Variants in TTC28 observed in about 807,000 individuals in gnomAD.
TTC28 encodes tetratricopeptide repeat protein 28.
In TTC28, 61 loss-of-function variants were observed where a neutral mutation model predicts 198.0. That is an observed-to-expected ratio of 0.31 (90% CI 0.25 to 0.38). TTC28 has a LOEUF of 0.38. TTC28 is among the 10% of genes least tolerant of loss of function. The pLI is 1.00. For missense variants in TTC28, 2,678 were observed against 3,164.0 expected, an observed-to-expected ratio of 0.85 and a Z score of 3.69; for synonymous variants, 1,171 against 1,297.8, an observed-to-expected ratio of 0.90 and a Z score of 2.10.
At chr22:28,491,938 G>T (rs1308535939) in intron 2 of TTC28, among the ~76,000 whole-genome samples, 1 of 152,090 alleles carries the variant, frequency 6.6e-6, no homozygotes, top group Non-Finnish European at 1.5e-5. Context: ...CCATAAAAAA[G>T]GATGAGTTCA....
chr22:28,249,256 GC>G (rs772353108), intron 5 of TTC28, among the ~76,000 whole-genome samples: 19 of 152,166 alleles, frequency 1.2e-4, no homozygotes, highest in Non-Finnish European at 2.1e-4. Flanking sequence ...AACAGTATCT[GC>G]CCCACTGGGT....
At chr22:28,153,207 C>T (rs1193039860) in intron 6 of TTC28, among the ~76,000 whole-genome samples, 1 of 151,674 alleles carries the variant, frequency 6.6e-6, no homozygotes, top group Non-Finnish European at 1.5e-5. Flanking sequence ...GTCACCATTT[C>T]TGGTGACTAT....
Position 28,378,658 on chromosome 22 carries a change from C to CA in TTC28, c.382-72016dup, listed in dbSNP as rs879547968. Among the ~76,000 whole-genome samples, 280 of 139,822 alleles carry CA rather than the reference C, an allele frequency of 2.0e-3. 1 individual carries two copies. The highest frequency in any genetic ancestry group is 3.7e-3 in the Middle Eastern group (1 of 272). The allele number at this position is 139,822 out of a possible 152,430, so 91.7% of individuals were successfully genotyped here. A position where few individuals can be genotyped will look rare whatever the true frequency, so the allele number is the denominator to read the frequency against. On this transcript the variant is annotated intron_variant, in intron 2 of 22. Transcript: ENST00000397906. Reference sequence around the variant, plus strand: ...AGATTCTGTGTCAAAAAAACAACAACAAAAAAAAAAGCAGAGAGAGAGAGA... The same window carrying CA: ...AGATTCTGTGTCAAAAAAACAACAACAAAAAAAAAAAGCAGAGAGAGAGAGA...
At chr22:28,182,441 G>C (rs1318248598) in intron 5 of TTC28, among the ~76,000 whole-genome samples, 1 of 152,128 alleles carries the variant, frequency 6.6e-6, no homozygotes, top group Non-Finnish European at 1.5e-5. Context: ...GAAACTCAGA[G>C]AGAGAGAGAT....
intron 2 of TTC28, among the ~76,000 whole-genome samples, chr22:28,520,903 A>C (rs2048891621): frequency 6.6e-6 from 1 of 152,020 alleles, no homozygotes; most frequent in Admixed American, 6.5e-5. Context: ...AAATACAAAA[A>C]TTAGCCAGGC....
intron 3 of TTC28, among the ~76,000 whole-genome samples, chr22:28,301,250 G>T (rs2045018136): frequency 6.6e-6 from 1 of 152,092 alleles, no homozygotes; most frequent in African/African-American, 2.4e-5. Context: ...TATTAGCAAA[G>T]GGACTAATTT....
chr22:28,555,814 C>T (rs1271453594), intron 2 of TTC28, among the ~76,000 whole-genome samples: 1 of 152,166 alleles, frequency 6.6e-6, no homozygotes, highest in Non-Finnish European at 1.5e-5. Flanking sequence ...CAAACACCAA[C>T]TGTTCCCCAA....
intron 2 of TTC28, among the ~76,000 whole-genome samples, chr22:28,484,925 T>C (rs1486184486): frequency 1.3e-5 from 2 of 152,190 alleles, no homozygotes; most frequent in Non-Finnish European, 2.9e-5. Context: ...TAAATCTCCC[T>C]AATGAAAGTA....
intron 2 of TTC28, among the ~76,000 whole-genome samples, chr22:28,506,266 C>T (rs1305690059): frequency 2.0e-5 from 3 of 152,126 alleles, no homozygotes; most frequent in African/African-American, 7.2e-5. Context: ...GGATCCCCCA[C>T]AACACAGCAC....
At chr22:28,310,293 A>C (rs2045233914) in intron 2 of TTC28, among the ~76,000 whole-genome samples, 1 of 152,206 alleles carries the variant, frequency 6.6e-6, no homozygotes, top group Non-Finnish European at 1.5e-5. Flanking sequence ...CTAATGCTGT[A>C]AAATTTCAGA....
chr22:28,326,935 A>G (rs2045539570), intron 2 of TTC28, among the ~76,000 whole-genome samples: 1 of 151,482 alleles, frequency 6.6e-6, no homozygotes, highest in East Asian at 1.9e-4. Context: ...AAAGTAAATT[A>G]GTACTTTGGA....
chr22:28,027,715 G>A (rs965860450), intron 13 of TTC28, among the ~76,000 whole-genome samples: 4 of 152,216 alleles, frequency 2.6e-5, no homozygotes, highest in Non-Finnish European at 4.4e-5. Flanking sequence ...ACTTCTAGCC[G>A]CTCTGTTCAG....
chr22:28,499,880 C>A (rs1281228686), intron 2 of TTC28, among the ~76,000 whole-genome samples: 2 of 152,068 alleles, frequency 1.3e-5, no homozygotes, highest in Non-Finnish European at 2.9e-5. Flanking sequence ...GTATAGTGAT[C>A]AGATTGGGGT....
chr22:28,059,818 T>C (rs1411507721), intron 12 of TTC28, among the ~76,000 whole-genome samples: 2 of 151,956 alleles, frequency 1.3e-5, no homozygotes, highest in African/African-American at 2.4e-5. Context: ...CCTCTGGTAA[T>C]ACTCTTGGTA....
chr22:28,637,989 AATTC>A (rs1366604478), intron 1 of TTC28, among the ~76,000 whole-genome samples: 1 of 152,250 alleles, frequency 6.6e-6, no homozygotes, highest in Non-Finnish European at 1.5e-5. Context: ...TAAAAAGGTG[AATTC>A]ATTAAGAGGG....
chr22:28,573,569 T>A (rs184215555), intron 2 of TTC28, among the ~76,000 whole-genome samples: 1 of 152,242 alleles, frequency 6.6e-6, no homozygotes, highest in African/African-American at 2.4e-5. Context: ...TTTTTATGGG[T>A]ACATAGTAGG....
intron 1 of TTC28, among the ~76,000 whole-genome samples, chr22:28,671,811 G>A (rs962372270): frequency 4.8e-4 from 73 of 151,614 alleles, no homozygotes; most frequent in African/African-American, 1.7e-3. Flanking sequence ...AAGTAACTGG[G>A]ATTACAGGCG....
intron 5 of TTC28, among the ~76,000 whole-genome samples, chr22:28,282,217 T>A (rs2044597048): frequency 6.6e-6 from 1 of 152,234 alleles, no homozygotes; most frequent in African/African-American, 2.4e-5. Flanking sequence ...GTTATGTGGC[T>A]GTGCTGATAT....
At chr22:28,401,815 G>A (rs2046913470) in intron 2 of TTC28, among the ~76,000 whole-genome samples, 1 of 152,132 alleles carries the variant, frequency 6.6e-6, no homozygotes, top group South Asian at 2.1e-4. Context: ...TAACCACTAG[G>A]CTCACAGGAG....
Sources: gnomAD v4.1 joint callset for allele counts (sites outside exome capture counted in the v4.1 genomes callset) on GRCh38, gnomAD v4.1.1 for gene constraint, MANE v1.5 for transcripts, NCBI Gene and HGNC (gene_info 2026-07-23, HGNC 2026-07-21) for gene names.